The following GIMAP5 variants were observed in gnomAD, a reference collection of about 807,000 sequenced individuals.
GIMAP5 encodes the protein GTPase IMAP family member 5.
Under a neutral mutation model 9.9 loss-of-function variants are expected in GIMAP5, and 8 were observed. That is an observed-to-expected ratio of 0.81 (90% CI 0.47 to 1.45). The LOEUF (loss-of-function observed/expected upper bound fraction) is 1.45, where lower values mean the gene tolerates loss of function less well. Among genes scored for constraint, GIMAP5 ranks in the 40% most tolerant of loss-of-function variants. The pLI, the probability that GIMAP5 is intolerant of heterozygous loss-of-function variation, is 0.00. For missense variants in GIMAP5, 353 were observed against 367.4 expected (o/e 0.96, Z 0.32); for synonymous variants, 174 against 151.4 (o/e 1.15, Z -1.09).
Position 150,742,297 on chromosome 7 carries a change from T to C in GIMAP5, c.158T>C (p.Phe53Ser). 2 of 1,614,162 alleles carry C rather than the reference T, an allele frequency of 1.2e-6. No individual in the cohort carries two copies. Among genetic ancestry groups the C allele is most frequent in the Non-Finnish European group, 1.7e-6 (2 of 1,180,010 alleles). Residue 53 changes from phenylalanine to serine, a missense_variant, in exon 3 of 3, where the codon TTT (phenylalanine) becomes TCT (serine). Physicochemically the swap from Phe to Ser is radical, Grantham distance 155 (BLOSUM62 -2). Transcript: ENST00000358647. ...AACAGCATCCTTGGCCAGCCCGTGT[T>C]TGAGTCCAAGCTGAGGGCCCAGTCA... ...TGNSILGQPVFESKLRAQSVT... is the reference protein window; with the variant it reads ...TGNSILGQPVSESKLRAQSVT...
rs572416159 is a variant in GIMAP5 at position 150,739,312 on chromosome 7, A to T, written c.-6-1567A>T. 3.8e-4 allele frequency: 57 copies of T among 149,566 alleles called. 1 individual carries two copies. In the East Asian group the frequency reaches 0.011, roughly 28 times the overall value. The allele number at this position is 149,566 out of a possible 1,614,324, so 9.3% of individuals were successfully genotyped here. A position where few individuals can be genotyped will look rare whatever the true frequency, so the allele number is the denominator to read the frequency against. On this transcript the variant is annotated intron_variant, in intron 1 of 2. Coordinates refer to ENST00000358647, the MANE Select transcript of GIMAP5 (RefSeq NM_018384.5). The stretch of plus-strand genomic sequence containing the variant: ...ACACAGCAAAAGGAGCCATTTCCTG[A>T]TGCTAGCTCCATTGTAAATATGTGA...
rs117529671 is a variant in GIMAP5 at position 150,737,862 on chromosome 7, G to A, written c.-7+154G>A. The A allele has an allele frequency of 3.9e-4, 252 of 644,634 alleles. No homozygotes were observed. In the East Asian group the frequency reaches 4.2e-3, roughly 11 times the overall value. The allele number at this position is 644,634 out of a possible 1,614,324, so 39.9% of individuals were successfully genotyped here. A position where few individuals can be genotyped will look rare whatever the true frequency, so the allele number is the denominator to read the frequency against. The stretch of plus-strand genomic sequence containing the variant: ...ACGGGGCAATGGTGATGAGTGTTGC[G>A]GGCATCAGCAGGTGCACAGCTGGTG... On this transcript the variant is annotated intron_variant, in intron 1 of 2. Coordinates refer to ENST00000358647, the MANE Select transcript of GIMAP5 (RefSeq NM_018384.5).
rs773691352 is a variant in GIMAP5, at chr7:150,742,745, G to A, written c.606G>A (p.Glu202=). The change falls in exon 3 of 3, where the codon GAG becomes GAA. Residue 202 remains glutamate, a synonymous_variant. Transcript: ENST00000358647. Reference sequence around the variant, plus strand: ...AGGAGCAGAGGCAGCAGCAGGCAGAGCTCCTGGCTGTGATTGAGAGGCTGG... The same window carrying A: ...AGGAGCAGAGGCAGCAGCAGGCAGAACTCCTGGCTGTGATTGAGAGGCTGG... ...SVEEQRQQQA[E]LLAVIERLGR... 13 of 1,614,166 alleles carry A rather than the reference G, an allele frequency of 8.1e-6. No homozygotes were observed. In the East Asian group the frequency reaches 1.8e-4, roughly 22 times the overall value.
rs1797633649 is a variant in GIMAP5 at position 150,743,350 on chromosome 7, G to A, written c.*287G>A. The A allele has an allele frequency of 5.5e-6, 2 of 362,120 alleles. No individual in the cohort carries two copies. Among genetic ancestry groups the A allele is most frequent in the Non-Finnish European group, 1.0e-5 (2 of 196,546 alleles). 22.4% of individuals were successfully genotyped at this position (362,120 alleles called of 1,614,324 possible). On this transcript the variant is annotated 3_prime_UTR_variant, in exon 3 of 3. Transcript: ENST00000358647. The stretch of plus-strand genomic sequence containing the variant: ...GTGAGTAAAAGTCCGCAGAGGTGGG[G>A]ATGGAAGATCTCTCCTTAGATAGAA...
At chr7:150,742,098 A>G in intron 2 of GIMAP5, 85 bp from the exon 3 acceptor site, 1 of 1,466,808 alleles carries the variant, frequency 6.8e-7, no homozygotes, top group East Asian at 2.3e-5. Context: ...GGACGTTCAT[A>G]GCTTTCATGA....
chr7:150,740,732 CAA>C, intron 1 of GIMAP5, 145 bp from the exon 2 acceptor site: 2 of 724,296 alleles, frequency 2.8e-6, no homozygotes, highest in Admixed American at 5.3e-5. Context: ...ACAGATGTTT[CAA>C]AGTAAAGTAT....
In GIMAP5 at chr7:150,743,257, C is replaced by A; in HGVS notation, c.*194C>A. The stretch of plus-strand genomic sequence containing the variant: ...CAAGGCTGCCTGCCTGCTGTAAACA[C>A]TATTCCACTCTGTCTGCCAACAACT... On this transcript the variant is annotated 3_prime_UTR_variant, in exon 3 of 3. Transcript: ENST00000358647. 1.6e-6 allele frequency: 1 copy of A among 641,858 alleles called. No individual in the cohort carries two copies. The highest frequency in any genetic ancestry group is 2.6e-6 in the Non-Finnish European group (1 of 386,548). The allele number at this position is 641,858 out of a possible 1,614,324, so 39.8% of individuals were successfully genotyped here.
At chr7:150,738,868 A>G (rs1313805760) in intron 1 of GIMAP5, 3 of 152,210 alleles carry the variant, frequency 2.0e-5, no homozygotes, top group African/African-American at 7.2e-5. Context: ...TGCCATCAGT[A>G]TCCTTTCTGA....
intron 1 of GIMAP5, chr7:150,739,139 A>T (rs769221896): frequency 6.6e-6 from 1 of 152,238 alleles, no homozygotes; most frequent in Non-Finnish European, 1.5e-5. Context: ...TTGCAATAAA[A>T]TTCTGTGTGT....
In GIMAP5 at chr7:150,737,454, G is replaced by C. The variant is rs959735558; in HGVS notation, c.-261G>C. 7.1e-7 allele frequency: 1 copy of C among 1,410,278 alleles called. No individual in the cohort carries two copies. The highest frequency in any genetic ancestry group is 9.7e-7 in the Non-Finnish European group (1 of 1,033,954). The allele number at this position is 1,410,278 out of a possible 1,614,324, so 87.4% of individuals were successfully genotyped here. A position where few individuals can be genotyped will look rare whatever the true frequency, so the allele number is the denominator to read the frequency against. On this transcript the variant is annotated 5_prime_UTR_variant, in exon 1 of 3. Coordinates refer to ENST00000358647, the MANE Select transcript of GIMAP5 (RefSeq NM_018384.5). ...AGCCAACACCAGGGTGTCCTAGTCC[G>C]CAGAGGTGTGGGGGACACACTCCAT...
chr7:150,737,538 C>T lies in GIMAP5; in HGVS notation c.-177C>T, dbSNP rs1158851604. 2.0e-6 allele frequency: 3 copies of T among 1,535,526 alleles called. No individual in the cohort carries two copies. The highest frequency in any genetic ancestry group is 2.6e-6 in the Non-Finnish European group (3 of 1,146,892). ...TGGAGCTTTCAGCCCCAGCACATGG[C>T]TCCTCCTTAACTGCGTCTGCTCAAC... On this transcript the variant is annotated 5_prime_UTR_variant, in exon 1 of 3. Transcript: ENST00000358647.
In GIMAP5 at chr7:150,742,440, G is replaced by A. The variant is rs746455496; in HGVS notation, c.301G>A (p.Gly101Arg). The A allele has an allele frequency of 8.7e-5, 141 of 1,614,030 alleles. No homozygotes were observed. Among genetic ancestry groups the A allele is most frequent in the African/African-American group, 1.7e-4 (13 of 74,914 alleles). ...ADTQELYKNI[G>R]DCYLLSAPGP... is the part of the protein sequence containing the mutation. ...TACCCAAGAGCTGTACAAGAACATCGGGGACTGCTACCTGCTCTCTGCCCC... is the reference window on the plus strand; with the variant it reads ...TACCCAAGAGCTGTACAAGAACATCAGGGACTGCTACCTGCTCTCTGCCCC... Residue 101 changes from glycine to arginine, a missense_variant, in exon 3 of 3, where the codon GGG becomes AGG. Physicochemically the swap from Gly to Arg is moderately radical, Grantham distance 125. Coordinates refer to ENST00000358647, the MANE Select transcript of GIMAP5 (RefSeq NM_018384.5).
In GIMAP5 at chr7:150,742,601, G is replaced by A; in HGVS notation, c.462G>A (p.Glu154=). ...RHVVILFTHK[E]DLGGQALDDY... ...TGGTCATCCTCTTCACCCACAAAGAGGACTTAGGGGGCCAGGCCCTGGATG... is the reference window on the plus strand; with the variant it reads ...TGGTCATCCTCTTCACCCACAAAGAAGACTTAGGGGGCCAGGCCCTGGATG... Residue 154 remains glutamate, a synonymous_variant, in exon 3 of 3, where the codon GAG becomes GAA. Transcript: ENST00000358647. 1.2e-6 allele frequency: 2 copies of A among 1,614,206 alleles called. No homozygotes were observed. Among genetic ancestry groups the A allele is most frequent in the Non-Finnish European group, 1.7e-6 (2 of 1,180,042 alleles).
intron 1 of GIMAP5, chr7:150,738,563 T>C (rs764542318): frequency 6.6e-6 from 1 of 152,236 alleles, no homozygotes; most frequent in Non-Finnish European, 1.5e-5. Context: ...AATCGGAATG[T>C]GCATTTTGTT....
rs1225586662 is a variant in GIMAP5, at chr7:150,742,405, C to G, written c.266C>G (p.Ser89Ter). Residue 89 changes from serine (S) to a stop codon, truncating the protein, a stop_gained, in exon 3 of 3, where the codon TCA becomes TGA. Coordinates refer to ENST00000358647, the MANE Select transcript of GIMAP5 (RefSeq NM_018384.5). LOFTEE classifies it high-confidence loss of function. Reference protein sequence around the residue: ...LVVDTPSIFESQADTQELYKN... With the variant: ...LVVDTPSIFE ...GTTGACACGCCCTCCATCTTTGAGT[C>G]ACAGGCCGATACCCAAGAGCTGTAC... The G allele has an allele frequency of 1.2e-6, 2 of 1,613,972 alleles. No individual in the cohort carries two copies. Among genetic ancestry groups the G allele is most frequent in the African/African-American group, 2.7e-5 (2 of 74,902 alleles).
Position 150,742,558 on chromosome 7 carries a change from C to T in GIMAP5, c.419C>T (p.Thr140Ile). Residue 140 changes from threonine (T) to isoleucine (I), a missense_variant, in exon 3 of 3, where the codon ACA (threonine) becomes ATA (isoleucine). Coordinates refer to ENST00000358647, the MANE Select transcript of GIMAP5 (RefSeq NM_018384.5). ...AGGAAGGTGAAAGAGGTCTTTGGGA[C>T]AGGGGCCATGAGACATGTGGTCATC... is the stretch of plus-strand genomic sequence containing the variant. ...AIRKVKEVFGTGAMRHVVILF... is the reference protein window; with the variant it reads ...AIRKVKEVFGIGAMRHVVILF... 6.2e-7 allele frequency: 1 copy of T among 1,614,156 alleles called. No homozygotes were observed. The highest frequency in any genetic ancestry group is 8.5e-7 in the Non-Finnish European group (1 of 1,180,032).
Position 150,737,550 on chromosome 7 carries a change from T to A in GIMAP5, c.-165T>A. 6.5e-7 allele frequency: 1 copy of A among 1,535,638 alleles called. No individual in the cohort carries two copies. Among genetic ancestry groups the A allele is most frequent in the Non-Finnish European group, 8.7e-7 (1 of 1,146,884 alleles). ...CCCCAGCACATGGCTCCTCCTTAAC[T>A]GCGTCTGCTCAACCTCCCTCAGCCC... On this transcript the variant is annotated 5_prime_UTR_variant, in exon 1 of 3. Transcript: ENST00000358647.
intron 1 of GIMAP5, 96 bp downstream of exon 1, chr7:150,737,804 ATC>A: frequency 9.9e-7 from 1 of 1,006,802 alleles, no homozygotes; most frequent in South Asian, 1.5e-5. Context: ...CCTTGCACAG[ATC>A]CCCTCACTTC....
Position 150,742,817 on chromosome 7 carries a change from T to G in GIMAP5, c.678T>G (p.Asp226Glu). The change falls in exon 3 of 3, where the codon GAT becomes GAG. Residue 226 changes from aspartate to glutamate, a missense_variant. Physicochemically the swap from Asp to Glu is conservative, Grantham distance 45. Coordinates refer to ENST00000358647, the MANE Select transcript of GIMAP5 (RefSeq NM_018384.5). The part of the protein sequence containing the change: ...GSFHSNDLFL[D>E]AQLLQRTGAG... ...TCCACAGCAATGACCTCTTCTTGGA[T>G]GCCCAGCTGCTCCAAAGAACTGGAG... 1 of 1,614,108 alleles carries G rather than the reference T, an allele frequency of 6.2e-7. No individual in the cohort carries two copies. The highest frequency in any genetic ancestry group is 8.5e-7 in the Non-Finnish European group (1 of 1,180,026).
Sources: gnomAD v4.1 joint callset for allele counts on GRCh38, gnomAD v4.1.1 for gene constraint, MANE v1.5 for transcripts, NCBI Gene and HGNC (gene_info 2026-07-23, HGNC 2026-07-21) for gene names.